The following SSBP3 variants were observed in gnomAD, a reference collection of about 807,000 sequenced individuals.
SSBP3 encodes the protein single-stranded DNA-binding protein 3.
In SSBP3, 5 loss-of-function variants were observed where a neutral mutation model predicts 69.6. That is an observed-to-expected ratio of 0.07 (90% CI 0.04 to 0.15). SSBP3 has a LOEUF of 0.15. Among genes scored for constraint, SSBP3 ranks in the 10% least tolerant of loss-of-function variants. The pLI is 1.00. For missense variants in SSBP3, 312 were observed against 534.0 expected, an observed-to-expected ratio of 0.58 and a Z score of 4.10; for synonymous variants, 196 against 193.4, an observed-to-expected ratio of 1.01 and a Z score of -0.11.
At chr1:54,336,427 A>G (rs78672391) in intron 4 of SSBP3, among the ~76,000 whole-genome samples, 2,391 of 151,276 alleles carry the variant, frequency 0.016, 56 homozygotes, top group African/African-American at 0.055. Flanking sequence ...ACTGCATTCA[A>G]TTCCTGCCCA....
At chr1:54,247,055 C>T (rs941791216) in intron 9 of SSBP3, among the ~76,000 whole-genome samples, 8 of 152,208 alleles carry the variant, frequency 5.3e-5, no homozygotes, top group African/African-American at 1.2e-4. Flanking sequence ...CCAGTGCAGC[C>T]GTGGGGCTGG....
intron 4 of SSBP3, among the ~76,000 whole-genome samples, chr1:54,298,930 A>AACAAAACAC (rs1553134013): frequency 1.5e-5 from 2 of 137,174 alleles, no homozygotes; most frequent in African/African-American, 5.5e-5. Flanking sequence ...ACAAAAACAA[A>AACAAAACAC]ACACACACAC....
chr1:54,328,637 G>A (rs4926629), intron 4 of SSBP3, among the ~76,000 whole-genome samples: 1 of 152,042 alleles, frequency 6.6e-6, no homozygotes, highest in Non-Finnish European at 1.5e-5. Flanking sequence ...CTTGAAAAAC[G>A]CTGGGGTTCC....
At chr1:54,319,409 G>A (rs1646173383) in intron 4 of SSBP3, among the ~76,000 whole-genome samples, 1 of 152,064 alleles carries the variant, frequency 6.6e-6, no homozygotes, top group South Asian at 2.1e-4. Flanking sequence ...CTCCCATCCA[G>A]GTCTACACCT....
intron 5 of SSBP3, among the ~76,000 whole-genome samples, chr1:54,277,393 A>G (rs1645308244): frequency 6.6e-6 from 1 of 152,024 alleles, no homozygotes; most frequent in African/African-American, 2.4e-5. Flanking sequence ...CCCTCCTTTT[A>G]TCTAATTCTC....
chr1:54,338,952 G>A lies in SSBP3; in HGVS notation c.277-57425C>T, dbSNP rs564873341. Among the ~76,000 whole-genome samples, 8 of 152,302 alleles carry A rather than the reference G, an allele frequency of 5.3e-5. No individual in the cohort carries two copies. The East Asian group carries it at 7.7e-4, about 15-fold the overall frequency. ...AGAAATCCCCAAATAGGATGCACGA[G>A]GTCCAAGTTAAAGCTAGTCTTCTAA... On this transcript the variant is annotated intron_variant, in intron 4 of 17. Coordinates refer to ENST00000610401, the Ensembl canonical transcript of SSBP3.
intron 4 of SSBP3, among the ~76,000 whole-genome samples, chr1:54,344,234 G>A (rs1487533794): frequency 1.3e-5 from 2 of 152,068 alleles, no homozygotes; most frequent in Non-Finnish European, 2.9e-5. Context: ...TTTGAGAAGT[G>A]GAATTACCAG....
chr1:54,377,758 A>G (rs1647296848), intron 4 of SSBP3, among the ~76,000 whole-genome samples: 1 of 152,220 alleles, frequency 6.6e-6, no homozygotes, highest in South Asian at 2.1e-4. Context: ...GATACGTCCT[A>G]GAAAGGTGGG....
At chr1:54,361,626 G>A (rs886841239) in intron 4 of SSBP3, among the ~76,000 whole-genome samples, 3 of 152,022 alleles carry the variant, frequency 2.0e-5, no homozygotes, top group Non-Finnish European at 4.4e-5. Flanking sequence ...ACCTGTTCTC[G>A]CAGAACGTGG....
At chr1:54,406,435 C>G (rs1649781942), upstream of SSBP3, 1 of 153,254 alleles carries the variant, frequency 6.5e-6, no homozygotes, top group South Asian at 1.8e-4. Flanking sequence ...GGCGAGGGAG[C>G]GAGGCGGGCG....
chr1:54,399,935 TGATACCAG>T (rs1649175044), intron 4 of SSBP3, among the ~76,000 whole-genome samples: 1 of 152,100 alleles, frequency 6.6e-6, no homozygotes, highest in African/African-American at 2.4e-5. Context: ...TCAGGCCACA[TGATACCAG>T]GTGGAGCCCA....
intron 4 of SSBP3, among the ~76,000 whole-genome samples, chr1:54,387,448 G>A (rs1257007041): frequency 6.6e-6 from 1 of 152,148 alleles, no homozygotes; most frequent in African/African-American, 2.4e-5. Context: ...CTCTACAGAA[G>A]GGCCTTCTCG....
intron 5 of SSBP3, among the ~76,000 whole-genome samples, chr1:54,276,608 C>CAAAAAAAAAAAAAAAAAAAAAAAA (rs746933473): frequency 2.8e-5 from 1 of 35,214 alleles, no homozygotes; most frequent in African/African-American, 1.5e-4. Context: ...GACTCTGTCT[C>CAAAAAAAAAAAAAAAAAAAAAAAA]AAAAAAAAAA....
In SSBP3 at chr1:54,273,314, ACATGCGTGCACACAGG is replaced by A. The variant is rs373438473; in HGVS notation, c.366+8108_366+8123del. Among the ~76,000 whole-genome samples, 71 of 152,312 alleles carry A rather than the reference ACATGCGTGCACACAGG, an allele frequency of 4.7e-4. 1 individual carries two copies. The highest frequency in any genetic ancestry group is 1.3e-3 in the African/African-American group (55 of 41,574). ...CAAGTGTGCAGACACAAACATATCC[ACATGCGTGCACACAGG>A]CATGCGTGCACACAGGCACGCACAC... On this transcript the variant is annotated intron_variant, in intron 5 of 17. Transcript: ENST00000610401.
At chr1:54,266,774 T>C (rs975509248) in intron 5 of SSBP3, among the ~76,000 whole-genome samples, 17 of 151,746 alleles carry the variant, frequency 1.1e-4, no homozygotes, top group African/African-American at 4.1e-4. Flanking sequence ...GAATGAGCAC[T>C]GGCCAGGCAT....
intron 4 of SSBP3, among the ~76,000 whole-genome samples, chr1:54,300,168 A>C (rs943059059): frequency 3.9e-5 from 6 of 152,168 alleles, no homozygotes; most frequent in African/African-American, 1.4e-4. Context: ...CAGAGTCTTC[A>C]TTGACTCCAA....
chr1:54,305,876 G>T (rs1645890932), intron 4 of SSBP3, among the ~76,000 whole-genome samples: 1 of 149,050 alleles, frequency 6.7e-6, no homozygotes, highest in South Asian at 2.2e-4. Context: ...TCTCCCTGCT[G>T]TCAGTTTCAC....
intron 4 of SSBP3, among the ~76,000 whole-genome samples, chr1:54,387,897 C>T (rs1648204833): frequency 6.6e-6 from 1 of 152,176 alleles, no homozygotes; most frequent in Non-Finnish European, 1.5e-5. Flanking sequence ...CAGAACAAGC[C>T]TTCCCAAAAG....
chr1:54,300,133 T>C (rs1645775471), intron 4 of SSBP3, among the ~76,000 whole-genome samples: 2 of 152,102 alleles, frequency 1.3e-5, no homozygotes, highest in Non-Finnish European at 2.9e-5. Context: ...AAGATAAGGT[T>C]AGCAGTGCTG....
Sources: allele counts gnomAD v4.1 joint callset (sites outside exome capture counted in the v4.1 genomes callset), GRCh38; gene constraint gnomAD v4.1.1; transcripts MANE v1.5; gene names NCBI Gene and HGNC (gene_info 2026-07-23, HGNC 2026-07-21).